CCDC171: variants seen among roughly 807,000 people sequenced by gnomAD.
CCDC171 encodes coiled-coil domain-containing protein 171.
In CCDC171, 177 loss-of-function variants were observed where a neutral mutation model predicts 168.2. That is an observed-to-expected ratio of 1.05 (90% CI 0.93 to 1.19). The LOEUF is 1.19. Ranked by LOEUF, CCDC171 falls within the 50% of genes most tolerant of loss-of-function variation. CCDC171 has a pLI of 0.00. For missense variants in CCDC171, 1,991 were observed against 1,539.0 expected (o/e 1.29, Z -4.91); for synonymous variants, 687 against 540.8 (o/e 1.27, Z -3.75).
intron 3 of CCDC171, among the ~76,000 whole-genome samples, chr9:15,979,418 T>C (rs1037587298): frequency 9.8e-5 from 15 of 152,310 alleles, no homozygotes; most frequent in African/African-American, 2.6e-4. Flanking sequence ...ACATTAGCAA[T>C]TGGATTTTCA....
the CCDC171 span, among the ~76,000 whole-genome samples, chr9:16,089,038 G>A: frequency 3.3e-5 from 5 of 151,982 alleles, no homozygotes; most frequent in African/African-American, 9.7e-5. Flanking sequence ...ACAGAACAGA[G>A]GCCTCAGAAA....
intron 7 of CCDC171, among the ~76,000 whole-genome samples, chr9:15,629,902 C>A (rs1475959484): frequency 1.3e-5 from 2 of 152,116 alleles, no homozygotes; most frequent in Non-Finnish European, 2.9e-5. Flanking sequence ...AATTTTCAAC[C>A]CAGAATTTCT....
At chr9:15,962,907 A>G (rs537587496) in intron 25 of CCDC171, among the ~76,000 whole-genome samples, 101 of 150,984 alleles carry the variant, frequency 6.7e-4, no homozygotes, top group African/African-American at 2.3e-3. Context: ...ATATATATGT[A>G]TATATATATA....
chr9:15,854,299 G>C (rs1288767721), intron 23 of CCDC171, among the ~76,000 whole-genome samples: 1 of 151,108 alleles, frequency 6.6e-6, no homozygotes, highest in Non-Finnish European at 1.5e-5. Context: ...CAGATTTTGT[G>C]TTTCTTTTTC....
chr9:15,907,436 T>G (rs565179204), intron 24 of CCDC171, among the ~76,000 whole-genome samples: 98 of 152,230 alleles, frequency 6.4e-4, no homozygotes, highest in African/African-American at 2.1e-3. Context: ...AAATGGTGCT[T>G]GGAAAACTGG....
At chr9:15,760,105 T>C (rs1175286052) in intron 18 of CCDC171, among the ~76,000 whole-genome samples, 1 of 152,178 alleles carries the variant, frequency 6.6e-6, no homozygotes, top group Non-Finnish European at 1.5e-5. Flanking sequence ...AGTATGTTTT[T>C]ATCTTTTTGT....
At chr9:15,559,350 A>G (rs913503831) in intron 1 of CCDC171, among the ~76,000 whole-genome samples, 18 of 151,758 alleles carry the variant, frequency 1.2e-4, no homozygotes, top group Non-Finnish European at 1.8e-4. Flanking sequence ...GTCTCCCATT[A>G]TTATTGTATG....
intron 7 of CCDC171, among the ~76,000 whole-genome samples, chr9:15,633,498 G>A (rs1170773697): frequency 6.6e-6 from 1 of 152,134 alleles, no homozygotes; most frequent in East Asian, 1.9e-4. Flanking sequence ...CAGTTAGAAT[G>A]GCAATCATTA....
At chr9:16,077,788 G>A in the CCDC171 span, among the ~76,000 whole-genome samples, 1 of 152,204 alleles carries the variant, frequency 6.6e-6, no homozygotes, top group South Asian at 2.1e-4. Flanking sequence ...TGCATTCCCT[G>A]AACAGGGTTG....
At chr9:15,799,347 C>T (rs890686817) in intron 21 of CCDC171, among the ~76,000 whole-genome samples, 1 of 151,272 alleles carries the variant, frequency 6.6e-6, no homozygotes, top group Non-Finnish European at 1.5e-5. Context: ...GTTCCCTTCT[C>T]TTCTGGTTTG....
In CCDC171 at chr9:15,573,238, T is replaced by G. The variant is rs115935221; in HGVS notation, c.177+1479T>G. 6.2e-3 allele frequency among the ~76,000 whole-genome samples: 939 copies of G among 152,292 alleles called. 8 individuals are homozygous for G. Among genetic ancestry groups the G allele is most frequent in the African/African-American group, 0.022 (912 of 41,562 alleles). ...AGAGATGAATACATAATAATTCTCT[T>G]TGTATTTTTTTAGTAGCATTTGAGG... On this transcript the variant is annotated intron_variant, in intron 3 of 25. Transcript: ENST00000380701.
At chr9:15,791,454 A>G (rs1430026379) in intron 21 of CCDC171, among the ~76,000 whole-genome samples, 1 of 152,110 alleles carries the variant, frequency 6.6e-6, no homozygotes, top group Non-Finnish European at 1.5e-5. Flanking sequence ...TTGTATCCTG[A>G]GACTTTGCTG....
chr9:15,580,611 C>A (rs1427710849), intron 4 of CCDC171, among the ~76,000 whole-genome samples: 1 of 151,650 alleles, frequency 6.6e-6, no homozygotes, highest in Admixed American at 6.6e-5. Context: ...TACAAATGGC[C>A]AAAAAACATA....
chr9:15,852,855 A>G (rs2061191470), intron 23 of CCDC171, among the ~76,000 whole-genome samples: 1 of 151,636 alleles, frequency 6.6e-6, no homozygotes, highest in South Asian at 2.1e-4. Context: ...TTGAATGATC[A>G]TGTTGAATCA....
chr9:15,651,229 C>T (rs1415264759), intron 7 of CCDC171, among the ~76,000 whole-genome samples: 1 of 152,020 alleles, frequency 6.6e-6, no homozygotes, highest in Middle Eastern at 3.2e-3. Context: ...CTGCCTCAGC[C>T]TCCTGAGTAG....
intron 25 of CCDC171, among the ~76,000 whole-genome samples, chr9:15,965,323 C>T (rs1272447841): frequency 6.6e-6 from 1 of 152,114 alleles, no homozygotes; most frequent in Non-Finnish European, 1.5e-5. Context: ...GTTTGTTGAG[C>T]CCTTATTTTG....
chr9:16,079,862 T>G, the CCDC171 span, among the ~76,000 whole-genome samples: 6 of 152,210 alleles, frequency 3.9e-5, no homozygotes, highest in Non-Finnish European at 8.8e-5. Context: ...ATTAACTCCT[T>G]TATTCCTCTT....
intron 3 of CCDC171, among the ~76,000 whole-genome samples, chr9:15,575,454 G>A (rs1167371805): frequency 2.0e-5 from 3 of 152,112 alleles, no homozygotes; most frequent in African/African-American, 7.2e-5. Context: ...GACAACAGGT[G>A]TGAGCCACCG....
intron 6 of CCDC171, among the ~76,000 whole-genome samples, chr9:16,031,903 C>T (rs1190987726): frequency 6.6e-6 from 1 of 152,178 alleles, no homozygotes; most frequent in African/African-American, 2.4e-5. Flanking sequence ...ACAGGCAGCC[C>T]CCAGAGCAGG....
Sources: gnomAD v4.1 joint callset for allele counts (sites outside exome capture counted in the v4.1 genomes callset) on GRCh38, gnomAD v4.1.1 for gene constraint, MANE v1.5 for transcripts, NCBI Gene and HGNC (gene_info 2026-07-23, HGNC 2026-07-21) for gene names.